E2F3: variants seen among roughly 807,000 people sequenced by gnomAD.
The protein encoded by E2F3 is E2F transcription factor 3, also known as transcription factor E2F3.
A neutral mutation model predicts 44.4 loss-of-function variants in E2F3; 11 were observed. The observed-to-expected ratio is 0.25, with a 90% CI of 0.16 to 0.41. The LOEUF (loss-of-function observed/expected upper bound fraction) is 0.41. Ranked by LOEUF, E2F3 falls within the 10% of genes least tolerant of loss-of-function variation. The probability of loss-of-function intolerance (pLI) is 1.00; values close to 1 mark genes in which losing one functional copy is unlikely to be tolerated. For missense variants in E2F3, 487 were observed against 583.6 expected (o/e 0.83, Z 1.70); for synonymous variants, 249 against 253.0 (o/e 0.98, Z 0.15).
At position 20,492,960 on chromosome 6, in the gene E2F3, A is replaced by G. The variant is rs1205146804; in HGVS notation, c.*2530A>G. On this transcript the variant is annotated 3_prime_UTR_variant, in exon 7 of 7. Transcript: ENST00000346618. ...CTCACACACGAAATGGCTAAAAGTTACAAGTGTGCAAATTATGACTGCGTG... is the reference window on the plus strand; with the variant it reads ...CTCACACACGAAATGGCTAAAAGTTGCAAGTGTGCAAATTATGACTGCGTG... The G allele has an allele frequency of 9.3e-6, 2 of 215,862 alleles. No homozygotes were observed. Among genetic ancestry groups the G allele is most frequent in the Non-Finnish European group, 9.3e-6 (1 of 106,964 alleles). 13.4% of individuals were successfully genotyped at this position (215,862 alleles called of 1,614,324 possible).
In E2F3 at chr6:20,402,204, C is replaced by G. The variant is rs372971458; in HGVS notation, c.-29C>G. 1.6e-4 allele frequency: 253 copies of G among 1,564,200 alleles called. No homozygotes were observed. Among genetic ancestry groups the G allele is most frequent in the Non-Finnish European group, 1.6e-4 (187 of 1,164,346 alleles). The stretch of plus-strand genomic sequence containing the variant: ...AATTGAAAACAATACATTAATATAC[C>G]ATAACACTAAAAAGAGCAGGAGCGA... On this transcript the variant is annotated 5_prime_UTR_variant, in exon 1 of 7. Coordinates refer to ENST00000346618, the MANE Select transcript of E2F3 (RefSeq NM_001949.5). This position sits in a 1 kb window ranked among gnomAD's most constrained non-coding sequence, Gnocchi z 5.6.
At chr6:20,434,891 G>A (rs1394708372) in intron 1 of E2F3, among the ~76,000 whole-genome samples, 1 of 152,188 alleles carries the variant, frequency 6.6e-6, no homozygotes, top group Non-Finnish European at 1.5e-5. Flanking sequence ...ATGAGAGCGT[G>A]GCAGATGGAG....
intron 1 of E2F3, among the ~76,000 whole-genome samples, chr6:20,436,828 T>G (rs1760603319): frequency 6.6e-6 from 1 of 152,186 alleles, no homozygotes; most frequent in South Asian, 2.1e-4. Context: ...TCATACTTTT[T>G]AAAACATCAG....
rs571819399 is a variant in E2F3, at chr6:20,462,428, A to G, written c.394-17418A>G. Among the ~76,000 whole-genome samples the G allele has an allele frequency of 1.5e-3, 226 of 148,200 alleles. 2 individuals are homozygous for G. The South Asian group carries it at 0.022, about 14-fold the overall frequency. On this transcript the variant is annotated intron_variant, in intron 1 of 6. Transcript: ENST00000346618. ...TACTATTCTTTTGGTCTATTTACCT[A>G]TCGGTATGCCTGTACATATTTCACT...
chr6:20,465,251 C>T (rs912452863), intron 1 of E2F3, among the ~76,000 whole-genome samples: 1 of 152,262 alleles, frequency 6.6e-6, no homozygotes, highest in African/African-American at 2.4e-5. Flanking sequence ...TGACTATTGC[C>T]CCAGGCAATT....
chr6:20,415,135 T>C (rs1759803345), intron 1 of E2F3, among the ~76,000 whole-genome samples: 1 of 152,214 alleles, frequency 6.6e-6, no homozygotes, highest in African/African-American at 2.4e-5. Context: ...CCCGCTTTTG[T>C]GCAGAATGCA....
intron 1 of E2F3, among the ~76,000 whole-genome samples, chr6:20,409,932 G>A (rs561826738): frequency 1.3e-5 from 2 of 152,298 alleles, no homozygotes; most frequent in Non-Finnish European, 2.9e-5. Context: ...ACTGATGAGA[G>A]TAGTAATCAG....
chr6:20,440,518 CCTT>C (rs961341763), intron 1 of E2F3, among the ~76,000 whole-genome samples: 1 of 152,122 alleles, frequency 6.6e-6, no homozygotes, highest in South Asian at 2.1e-4. Context: ...AGTCTTGGCT[CCTT>C]CTCTGTCTCT....
intron 1 of E2F3, among the ~76,000 whole-genome samples, chr6:20,430,729 G>A (rs1245495308): frequency 6.6e-6 from 1 of 152,208 alleles, no homozygotes; most frequent in Admixed American, 6.5e-5. Flanking sequence ...TCACTTCAGA[G>A]TTGAGGGCCT....
intron 1 of E2F3, among the ~76,000 whole-genome samples, chr6:20,422,217 G>T (rs1760053384): frequency 6.6e-6 from 1 of 152,148 alleles, no homozygotes; most frequent in Non-Finnish European, 1.5e-5. Flanking sequence ...TATGGAGAAG[G>T]CTTCTTTCCT....
intron 1 of E2F3, among the ~76,000 whole-genome samples, chr6:20,449,557 A>G (rs1422662976): frequency 6.6e-6 from 1 of 152,112 alleles, no homozygotes; most frequent in Non-Finnish European, 1.5e-5. Context: ...CTATAAGGGG[A>G]TCAGGATTTG....
chr6:20,408,123 C>T (rs1007754678), intron 1 of E2F3, among the ~76,000 whole-genome samples: 7 of 152,178 alleles, frequency 4.6e-5, no homozygotes, highest in Non-Finnish European at 2.9e-5. Flanking sequence ...ATTTTTTCTA[C>T]TAATCATTGT....
intron 4 of E2F3, among the ~76,000 whole-genome samples, chr6:20,485,021 CT>C (rs1554141733): frequency 1.4e-3 from 215 of 151,576 alleles, no homozygotes; most frequent in African/African-American, 4.8e-3. Context: ...TAAGCCCCCC[CT>C]TTTTTTTATA....
intron 1 of E2F3, among the ~76,000 whole-genome samples, chr6:20,476,584 C>T (rs1762052875): frequency 6.6e-6 from 1 of 152,206 alleles, no homozygotes; most frequent in East Asian, 1.9e-4. Flanking sequence ...ACCAACCTTA[C>T]TGGAAAGACA....
intron 1 of E2F3, among the ~76,000 whole-genome samples, chr6:20,429,850 G>T (rs1306713410): frequency 6.6e-6 from 1 of 151,636 alleles, no homozygotes; most frequent in African/African-American, 2.4e-5. Context: ...ATAATAGATG[G>T]TTTTTTTGTT....
intron 1 of E2F3, among the ~76,000 whole-genome samples, chr6:20,445,695 A>AT (rs1367795698): frequency 6.6e-5 from 10 of 152,156 alleles, no homozygotes; most frequent in Admixed American, 6.5e-5. Flanking sequence ...GGAAATTGCA[A>AT]TTTTAAATGA....
intron 1 of E2F3, among the ~76,000 whole-genome samples, chr6:20,450,780 A>C (rs1469043351): frequency 6.6e-6 from 1 of 152,118 alleles, no homozygotes; most frequent in Admixed American, 6.6e-5. Context: ...CTTACCTTTA[A>C]TCCATCTTCA....
At chr6:20,407,310 C>T (rs533932047) in intron 1 of E2F3, among the ~76,000 whole-genome samples, 59 of 152,228 alleles carry the variant, frequency 3.9e-4, no homozygotes, top group Non-Finnish European at 5.9e-4. Flanking sequence ...ATAATCAGTA[C>T]CAAGGGCGCC....
At position 20,402,812 on chromosome 6, in the gene E2F3, G is replaced by T. The variant is rs1050075345; in HGVS notation, c.393+187G>T. On this transcript the variant is annotated intron_variant, in intron 1 of 6. Transcript: ENST00000346618. This position sits in a 1 kb window ranked among gnomAD's most constrained non-coding sequence, Gnocchi z 5.6. ...GCTCTTCCCGGCGCCAGGAGGGTCGGGGGGCTCGGCCAGGCGCGCGGGGCG... is the reference window on the plus strand; with the variant it reads ...GCTCTTCCCGGCGCCAGGAGGGTCGTGGGGCTCGGCCAGGCGCGCGGGGCG... Among the ~76,000 whole-genome samples, 1 of 152,150 alleles carries T rather than the reference G, an allele frequency of 6.6e-6. No homozygotes were observed. Among genetic ancestry groups the T allele is most frequent in the Non-Finnish European group, 1.5e-5 (1 of 68,010 alleles).
Sources: allele counts gnomAD v4.1 joint callset (sites outside exome capture counted in the v4.1 genomes callset), GRCh38; gene constraint gnomAD v4.1.1; non-coding constraint Gnocchi (gnomAD v3.1); transcripts MANE v1.5; gene names NCBI Gene and HGNC (gene_info 2026-07-23, HGNC 2026-07-21).